Variants in PRKCQ observed in about 807,000 individuals in gnomAD.
PRKCQ encodes the protein protein kinase C theta type.
In PRKCQ, 41 loss-of-function variants were observed where a neutral mutation model predicts 91.2. That is an observed-to-expected ratio of 0.45 (90% CI 0.35 to 0.58). PRKCQ has a LOEUF of 0.58. Among genes scored for constraint, PRKCQ ranks in the 20% least tolerant of loss-of-function variants. PRKCQ has a pLI of 0.00. For missense variants in PRKCQ, 673 were observed against 896.5 expected (o/e 0.75, Z 3.18); for synonymous variants, 307 against 316.9 (o/e 0.97, Z 0.33).
intron 7 of PRKCQ, among the ~76,000 whole-genome samples, chr10:6,496,216 CAAAAAAAAAAA>C (rs199934718): frequency 4.2e-5 from 4 of 94,228 alleles, no homozygotes; most frequent in Non-Finnish European, 5.8e-5. Context: ...GATTCCATCT[CAAAAAAAAAAA>C]AAAAAAAAAA....
chr10:6,433,437 T>C (rs1390077129), intron 16 of PRKCQ, among the ~76,000 whole-genome samples: 3 of 152,200 alleles, frequency 2.0e-5, no homozygotes, highest in Non-Finnish European at 4.4e-5. Context: ...GTGCACAACA[T>C]AGATGCTCAG....
intron 11 of PRKCQ, among the ~76,000 whole-genome samples, chr10:6,482,601 G>A (rs1836665482): frequency 6.6e-6 from 1 of 152,218 alleles, no homozygotes; most frequent in Non-Finnish European, 1.5e-5. Context: ...AATTTCTGCT[G>A]TTTAAGCCAG....
At chr10:6,516,296 G>T (rs531544782) in intron 1 of PRKCQ, among the ~76,000 whole-genome samples, 100 of 152,258 alleles carry the variant, frequency 6.6e-4, no homozygotes, top group Non-Finnish European at 1.1e-3. Context: ...GACAAATTAG[G>T]AGCTTTTGAC....
chr10:6,506,449 G>A, intron 4 of PRKCQ, among the ~76,000 whole-genome samples: 1 of 152,102 alleles, frequency 6.6e-6, no homozygotes, highest in East Asian at 1.9e-4. Flanking sequence ...TTTTTCTTCA[G>A]ATCGAATAAA....
chr10:6,541,226 G>A (rs1360384223), intron 1 of PRKCQ, among the ~76,000 whole-genome samples: 1 of 152,170 alleles, frequency 6.6e-6, no homozygotes. Context: ...ACCTGGCCCT[G>A]GACCAGTTAA....
intron 1 of PRKCQ, among the ~76,000 whole-genome samples, chr10:6,522,385 G>C (rs1435838014): frequency 6.6e-6 from 1 of 152,102 alleles, no homozygotes; most frequent in Non-Finnish European, 1.5e-5. Flanking sequence ...TAGGTCACAC[G>C]CTATTATGTA....
rs532838833 is a variant in PRKCQ at position 6,521,728 on chromosome 10, C to T, written c.-9-6584G>A. The stretch of plus-strand genomic sequence containing the variant: ...TGTGACCTTCCTCTGCACTCTGCTA[C>T]GGAGCTCCCACAAAACCCTCCATCT... On this transcript the variant is annotated intron_variant, in intron 1 of 17. Coordinates refer to ENST00000263125, the MANE Select transcript of PRKCQ (RefSeq NM_006257.5). 1.6e-4 allele frequency among the ~76,000 whole-genome samples: 25 copies of T among 152,214 alleles called. 1 individual carries two copies. Among genetic ancestry groups the T allele is most frequent in the Middle Eastern group, 3.4e-3 (1 of 294 alleles).
intron 12 of PRKCQ, among the ~76,000 whole-genome samples, chr10:6,467,421 GAGAGAGAGAGAT>G (rs1208406042): frequency 4.3e-4 from 54 of 125,422 alleles, no homozygotes; most frequent in African/African-American, 8.6e-4. Flanking sequence ...GAGAGAGAGA[GAGAGAGAGAGAT>G]GGTGGGGAGG....
chr10:6,561,198 G>C lies in PRKCQ; in HGVS notation c.-10+19013C>G, dbSNP rs572075228. Among the ~76,000 whole-genome samples the C allele has an allele frequency of 4.3e-3, 633 of 148,228 alleles. 1 individual carries two copies. Among genetic ancestry groups the C allele is most frequent in the African/African-American group, 0.016 (599 of 38,250 alleles). Reference sequence around the variant, plus strand: ...CTAGCCTGGGCAACACAGCGAAACTGTGTCTCTACTAAAAATACAAAAAGT... The same window carrying C: ...CTAGCCTGGGCAACACAGCGAAACTCTGTCTCTACTAAAAATACAAAAAGT... On this transcript the variant is annotated intron_variant, in intron 1 of 17. Transcript: ENST00000263125.
Position 6,515,057 on chromosome 10 carries a change from G to A in PRKCQ, c.79C>T (p.Pro27Ser), listed in dbSNP as rs780998510. ...CQSCQGEAVN[P>S]YCAVLVKEYV... ...TCTTTGACGAGCACAGCACAGTAAG[G>A]GTTAACAGCCTCGCCCTGACAAGAC... The change falls in exon 2 of 18, where the codon CCT becomes TCT. Residue 27 changes from proline (P) to serine (S), a missense_variant. Coordinates refer to ENST00000263125, the MANE Select transcript of PRKCQ (RefSeq NM_006257.5). The A allele has an allele frequency of 1.2e-6, 2 of 1,613,738 alleles. No individual in the cohort carries two copies.
intron 1 of PRKCQ, among the ~76,000 whole-genome samples, chr10:6,533,396 C>T (rs1009494557): frequency 2.0e-5 from 3 of 152,084 alleles, no homozygotes; most frequent in Non-Finnish European, 4.4e-5. Flanking sequence ...GGGGTTTCAC[C>T]ACGTTGGCCA....
At chr10:6,506,577 A>G (rs369294087) in intron 4 of PRKCQ, among the ~76,000 whole-genome samples, 1 of 152,242 alleles carries the variant, frequency 6.6e-6, no homozygotes, top group Admixed American at 6.5e-5. Context: ...CCATGCCTCA[A>G]TATCATCAAA....
At position 6,562,229 on chromosome 10, in the gene PRKCQ, C is replaced by T. The variant is rs112719215; in HGVS notation, c.-10+17982G>A. ...CTGCAGGGCAGCCTCATAAATGCCCCGGTCAGTGCTGGACCCCAAAGAAAA... is the reference window on the plus strand; with the variant it reads ...CTGCAGGGCAGCCTCATAAATGCCCTGGTCAGTGCTGGACCCCAAAGAAAA... On this transcript the variant is annotated intron_variant, in intron 1 of 17. Coordinates refer to ENST00000263125, the MANE Select transcript of PRKCQ (RefSeq NM_006257.5). Among the ~76,000 whole-genome samples the T allele has an allele frequency of 4.1e-3, 626 of 152,240 alleles. 6 individuals carry two copies. Among genetic ancestry groups the T allele is most frequent in the South Asian group, 0.025 (122 of 4,822 alleles).
At chr10:6,419,571 T>C in the PRKCQ span, among the ~76,000 whole-genome samples, 1 of 152,224 alleles carries the variant, frequency 6.6e-6, no homozygotes, top group Non-Finnish European at 1.5e-5. Context: ...ATTATAATTA[T>C]CTTTGCATTT....
At chr10:6,506,346 C>A (rs1588350753) in intron 4 of PRKCQ, among the ~76,000 whole-genome samples, 1 of 152,218 alleles carries the variant, frequency 6.6e-6, no homozygotes, top group East Asian at 1.9e-4. Context: ...TTCAATACAC[C>A]CTGTCCATCC....
chr10:6,437,987 T>A (rs1564293779), intron 16 of PRKCQ, among the ~76,000 whole-genome samples: 1 of 152,220 alleles, frequency 6.6e-6, no homozygotes, highest in Non-Finnish European at 1.5e-5. Context: ...TCAGCCTTTT[T>A]AAAAAAATTG....
the PRKCQ span, among the ~76,000 whole-genome samples, chr10:6,413,802 G>A: frequency 6.7e-6 from 1 of 149,938 alleles, no homozygotes; most frequent in Non-Finnish European, 1.5e-5. Context: ...GGAAGCACTG[G>A]ATTAAATGCC....
Position 6,575,754 on chromosome 10 carries a change from A to T in PRKCQ, c.-10+4457T>A, listed in dbSNP as rs149878677. Among the ~76,000 whole-genome samples, 359 of 152,322 alleles carry T rather than the reference A, an allele frequency of 2.4e-3. 3 individuals are homozygous for T. Among genetic ancestry groups the T allele is most frequent in the Admixed American group, 3.7e-3 (56 of 15,304 alleles). On this transcript the variant is annotated intron_variant, in intron 1 of 17. Coordinates refer to ENST00000263125, the MANE Select transcript of PRKCQ (RefSeq NM_006257.5). Reference sequence around the variant, plus strand: ...AAAGGCTACTATAAAGAAGATTTTTAAAAAAGCCCAGGTGCGGTGGCTCAC... The same window carrying T: ...AAAGGCTACTATAAAGAAGATTTTTTAAAAAGCCCAGGTGCGGTGGCTCAC...
chr10:6,489,426 G>T (rs1837145590), intron 8 of PRKCQ: 2 of 532,116 alleles, frequency 3.8e-6, no homozygotes, highest in Non-Finnish European at 7.7e-6. Context: ...TTTCTTGGAG[G>T]GCAAAGAGTC....
Sources: allele counts gnomAD v4.1 joint callset (sites outside exome capture counted in the v4.1 genomes callset), GRCh38; gene constraint gnomAD v4.1.1; transcripts MANE v1.5; gene names NCBI Gene and HGNC (gene_info 2026-07-23, HGNC 2026-07-21).